The following WWOX variants were observed in gnomAD, a reference collection of about 807,000 sequenced individuals.
The protein encoded by WWOX is WW domain containing oxidoreductase, also known as WW domain-containing oxidoreductase.
A neutral mutation model predicts 46.2 loss-of-function variants in WWOX; 69 were observed. That is an observed-to-expected ratio of 1.49 (90% confidence interval 1.23 to 1.82). The LOEUF (loss-of-function observed/expected upper bound fraction) is 1.82, where lower values mean the gene tolerates loss of function less well. WWOX is among the 40% of genes most tolerant of loss of function. The pLI, the probability that WWOX is intolerant of heterozygous loss-of-function variation, is 0.00. For synonymous variants in WWOX, 359 were observed against 202.6 expected, an observed-to-expected ratio of 1.77 and a Z score of -6.56; for missense variants, 919 against 542.6, an observed-to-expected ratio of 1.69 and a Z score of -6.89.
rs145162115 is a variant in WWOX, at chr16:78,469,388, T to G, written c.1056+36636T>G. On this transcript the variant is annotated intron_variant, in intron 8 of 8. Coordinates refer to ENST00000566780, the MANE Select transcript of WWOX (RefSeq NM_016373.4). ...ACTCTTAAGCTACAAAATACATCTC[T>G]TCACAGGAGCACTTGGAGAAGGGCT... Among the ~76,000 whole-genome samples, 11 of 152,092 alleles carry G rather than the reference T, an allele frequency of 7.2e-5. No individual in the cohort carries two copies. In the East Asian group the frequency reaches 1.5e-3, roughly 21 times the overall value.
At chr16:78,864,745 C>T (rs1349973670) in intron 8 of WWOX, among the ~76,000 whole-genome samples, 2 of 134,332 alleles carry the variant, frequency 1.5e-5, no homozygotes, top group African/African-American at 2.8e-5. Context: ...GGCTATTTTT[C>T]TCCAACTCCT....
At chr16:78,257,956 A>G (rs7193919) in intron 5 of WWOX, among the ~76,000 whole-genome samples, 71,432 of 151,896 alleles carry the variant, frequency 0.47, 17,024 homozygotes, top group African/African-American at 0.53. Context: ...GAGACTATAT[A>G]TATAAAATCT....
intron 8 of WWOX, among the ~76,000 whole-genome samples, chr16:79,087,565 C>T (rs750065888): frequency 6.6e-6 from 1 of 151,454 alleles, no homozygotes; most frequent in East Asian, 1.9e-4. Flanking sequence ...CAGAGCAAGA[C>T]TCTGTGCTGG....
chr16:78,219,128 A>G (rs1270628242), intron 5 of WWOX, among the ~76,000 whole-genome samples: 1 of 152,162 alleles, frequency 6.6e-6, no homozygotes, highest in Non-Finnish European at 1.5e-5. Context: ...TCCCTCCTAC[A>G]TGATAGAGAC....
chr16:78,901,606 G>T (rs532315081), intron 8 of WWOX, among the ~76,000 whole-genome samples: 1 of 152,296 alleles, frequency 6.6e-6, no homozygotes, highest in Admixed American at 6.5e-5. Context: ...TCCCACCTCA[G>T]CCTCCTGAGT....
chr16:78,509,364 G>A (rs1463179103), intron 8 of WWOX, among the ~76,000 whole-genome samples: 19 of 152,144 alleles, frequency 1.2e-4, no homozygotes, highest in South Asian at 4.2e-4. Flanking sequence ...GCTTGAACCC[G>A]GGAGGCGGAG....
intron 8 of WWOX, among the ~76,000 whole-genome samples, chr16:78,840,965 G>C (rs910548233): frequency 2.0e-5 from 3 of 152,092 alleles, no homozygotes; most frequent in African/African-American, 7.2e-5. Flanking sequence ...AATTTGGAAA[G>C]GCATTTTGGT....
chr16:78,309,316 C>T (rs1048929535), intron 5 of WWOX, among the ~76,000 whole-genome samples: 1 of 152,210 alleles, frequency 6.6e-6, no homozygotes, highest in Non-Finnish European at 1.5e-5. Context: ...TGGTGCTTTG[C>T]TTCCACTCTG....
chr16:78,390,744 A>C (rs930750917), intron 6 of WWOX, among the ~76,000 whole-genome samples: 1 of 152,202 alleles, frequency 6.6e-6, no homozygotes, highest in Non-Finnish European at 1.5e-5. Context: ...ATGTAACTCT[A>C]TTCTTATCAC....
intron 8 of WWOX, among the ~76,000 whole-genome samples, chr16:78,720,314 T>TGAATTATTTTTCTTTCTTTTCACAAGAAA (rs529834788): frequency 0.019 from 2,898 of 151,366 alleles, 83 homozygotes; most frequent in African/African-American, 0.063. Context: ...TAGATCTTTC[T>TGAATTATTTTTCTTTCTTTTCACAAGAAA]GAATTATTTT....
chr16:78,281,586 C>G (rs1312493540), intron 5 of WWOX, among the ~76,000 whole-genome samples: 4 of 152,148 alleles, frequency 2.6e-5, no homozygotes, highest in Non-Finnish European at 4.4e-5. Flanking sequence ...TTGCCAACTA[C>G]TCAACTCTGC....
chr16:78,169,101 T>C (rs1017130942), intron 5 of WWOX, among the ~76,000 whole-genome samples: 1 of 152,160 alleles, frequency 6.6e-6, no homozygotes, highest in African/African-American at 2.4e-5. Flanking sequence ...CTTGTTCCTA[T>C]GTTGTGGAAC....
intron 8 of WWOX, among the ~76,000 whole-genome samples, chr16:78,752,151 T>A (rs976033937): frequency 6.6e-6 from 1 of 152,252 alleles, no homozygotes; most frequent in Non-Finnish European, 1.5e-5. Flanking sequence ...GTACAATGTC[T>A]GCTTTTGAGT....
At chr16:78,884,209 G>T (rs1324033738) in intron 8 of WWOX, among the ~76,000 whole-genome samples, 1 of 147,604 alleles carries the variant, frequency 6.8e-6, no homozygotes, top group Non-Finnish European at 1.5e-5. Context: ...GGAGGTCAAG[G>T]CTACAGTGAG....
intron 8 of WWOX, among the ~76,000 whole-genome samples, chr16:78,523,696 C>T (rs1205806675): frequency 6.6e-6 from 1 of 152,164 alleles, no homozygotes; most frequent in Non-Finnish European, 1.5e-5. Context: ...TTCAGCACAT[C>T]ACAGTCATGC....
chr16:78,322,922 A>C (rs915108999), intron 5 of WWOX, among the ~76,000 whole-genome samples: 5 of 152,202 alleles, frequency 3.3e-5, no homozygotes, highest in Admixed American at 3.3e-4. Context: ...ATCTCTTTCA[A>C]CCATTTAAAA....
intron 5 of WWOX, among the ~76,000 whole-genome samples, chr16:78,223,991 G>A (rs1415931744): frequency 1.3e-5 from 2 of 152,062 alleles, no homozygotes; most frequent in African/African-American, 4.8e-5. Flanking sequence ...ACCAAAGGTG[G>A]CATCAACTTT....
intron 8 of WWOX, among the ~76,000 whole-genome samples, chr16:78,987,869 T>C (rs2046811529): frequency 6.6e-6 from 1 of 152,194 alleles, no homozygotes; most frequent in Non-Finnish European, 1.5e-5. Context: ...CCCTGTGGGC[T>C]TTGCTGCTTA....
chr16:78,916,567 G>T (rs567654227), intron 8 of WWOX, among the ~76,000 whole-genome samples: 1 of 152,162 alleles, frequency 6.6e-6, no homozygotes, highest in Non-Finnish European at 1.5e-5. Context: ...TTCTGAGAGA[G>T]AAATGAGATA....
Sources: allele counts gnomAD v4.1 joint callset (sites outside exome capture counted in the v4.1 genomes callset), GRCh38; gene constraint gnomAD v4.1.1; transcripts MANE v1.5; gene names NCBI Gene and HGNC (gene_info 2026-07-23, HGNC 2026-07-21).